OSBP2: variants seen among roughly 807,000 people sequenced by gnomAD.
The protein encoded by OSBP2 is oxysterol binding protein 2, also known as oxysterol-binding protein 2.
In OSBP2, 66 loss-of-function variants were observed where a neutral mutation model predicts 96.0. That is an observed-to-expected ratio of 0.69 (90% CI 0.56 to 0.84). OSBP2 has a LOEUF of 0.84. OSBP2 is among the 40% of genes least tolerant of loss of function. OSBP2 has a pLI of 0.00. For missense variants in OSBP2, 1,038 were observed against 1,222.7 expected (o/e 0.85, Z 2.25); for synonymous variants, 525 against 520.9 (o/e 1.01, Z -0.11).
At chr22:30,841,646 C>T (rs1485242061) in intron 2 of OSBP2, among the ~76,000 whole-genome samples, 1 of 152,122 alleles carries the variant, frequency 6.6e-6, no homozygotes, top group Non-Finnish European at 1.5e-5. Context: ...TTATATTGTA[C>T]TCTAGTAAGT....
chr22:30,876,288 C>T (rs2039576639), intron 3 of OSBP2, among the ~76,000 whole-genome samples: 1 of 152,224 alleles, frequency 6.6e-6, no homozygotes, highest in African/African-American at 2.4e-5. Flanking sequence ...CTCTGTTATT[C>T]CCACCTGCCC....
intron 2 of OSBP2, chr22:30,842,587 A>G (rs1249378530): frequency 6.6e-6 from 1 of 152,626 alleles, no homozygotes; most frequent in Non-Finnish European, 1.5e-5. Context: ...ATCCTCTCAA[A>G]CCCTGCCACT....
At position 30,828,193 on chromosome 22, in the gene OSBP2, A is replaced by G. The variant is rs9619140; in HGVS notation, c.854-42236A>G. On this transcript the variant is annotated intron_variant, in intron 2 of 13. Transcript: ENST00000332585. ...CCAGATGGAGGTCTCGAATCTTTCAATGCTTTTGAGGCAGAGTGAAGAACA... is the reference window on the plus strand; with the variant it reads ...CCAGATGGAGGTCTCGAATCTTTCAGTGCTTTTGAGGCAGAGTGAAGAACA... Among the ~76,000 whole-genome samples the G allele has an allele frequency of 9.7e-3, 1,471 of 152,336 alleles. 19 individuals carry two copies. Among genetic ancestry groups the G allele is most frequent in the African/African-American group, 0.031 (1,270 of 41,580 alleles).
chr22:30,738,593 T>C (rs952715601), intron 1 of OSBP2, among the ~76,000 whole-genome samples: 3 of 151,642 alleles, frequency 2.0e-5, no homozygotes, highest in Non-Finnish European at 4.4e-5. Context: ...GGAGTTTCGC[T>C]CTTGTTGCCC....
At chr22:30,846,814 T>C (rs139724321) in intron 2 of OSBP2, among the ~76,000 whole-genome samples, 2 of 152,344 alleles carry the variant, frequency 1.3e-5, no homozygotes, top group African/African-American at 4.8e-5. Context: ...ATATGTGTTA[T>C]ACTTTTTATG....
intron 2 of OSBP2, chr22:30,773,275 C>G (rs576854630): frequency 1.3e-5 from 2 of 152,320 alleles, no homozygotes; most frequent in Admixed American, 1.3e-4. Flanking sequence ...CTCCTGACCT[C>G]AGGTGATCCG....
At position 30,857,896 on chromosome 22, in the gene OSBP2, C is replaced by T. The variant is rs528499151; in HGVS notation, c.854-12533C>T. Reference sequence around the variant, plus strand: ...CTCAGCAGGCACTGTGGGTCTCTTCCGTGCTCTCTGCAGAACTCGGCCAAC... The same window carrying T: ...CTCAGCAGGCACTGTGGGTCTCTTCTGTGCTCTCTGCAGAACTCGGCCAAC... On this transcript the variant is annotated intron_variant, in intron 2 of 13. Coordinates refer to ENST00000332585, the MANE Select transcript of OSBP2 (RefSeq NM_030758.4). 2.5e-4 allele frequency among the ~76,000 whole-genome samples: 38 copies of T among 152,310 alleles called. No homozygotes were observed. In the South Asian group the frequency reaches 7.0e-3, roughly 28 times the overall value.
At chr22:30,797,759 T>C (rs28861993) in intron 2 of OSBP2, among the ~76,000 whole-genome samples, 17,460 of 151,988 alleles carry the variant, frequency 0.11, 1,118 homozygotes, top group East Asian at 0.2. Context: ...GCCTGGCTAA[T>C]CTTTGTACTT....
Position 30,881,713 on chromosome 22 carries a change from G to A in OSBP2, c.1108-5713G>A, listed in dbSNP as rs78871815. ...TGAGAACAGCAGGGCCACGCCAGGC[G>A]CCTGCCTCTCCCCACAGCACAGCCA... On this transcript the variant is annotated intron_variant, in intron 3 of 13. Transcript: ENST00000332585. This position sits in a 1 kb window ranked among gnomAD's most constrained non-coding sequence, Gnocchi z 4.5. 8.1e-4 allele frequency: 1,050 copies of A among 1,304,024 alleles called. 14 individuals are homozygous for A. In the East Asian group the frequency reaches 0.038, roughly 47 times the overall value. 80.8% of individuals were successfully genotyped at this position (1,304,024 alleles called of 1,614,324 possible). A position where few individuals can be genotyped will look rare whatever the true frequency, so the allele number is the denominator to read the frequency against.
At chr22:30,843,095 T>C (rs978341841) in intron 2 of OSBP2, among the ~76,000 whole-genome samples, 4 of 152,102 alleles carry the variant, frequency 2.6e-5, no homozygotes, top group African/African-American at 9.7e-5. Flanking sequence ...GCAATTCAGT[T>C]ATATCTTGAG....
intron 2 of OSBP2, among the ~76,000 whole-genome samples, chr22:30,794,371 T>G (rs901598993): frequency 3.3e-5 from 5 of 151,930 alleles, no homozygotes; most frequent in Non-Finnish European, 7.4e-5. Flanking sequence ...TTCCAGTGAT[T>G]CTCCTGCCTC....
chr22:30,818,752 G>A (rs1172207615), intron 2 of OSBP2, among the ~76,000 whole-genome samples: 2 of 152,240 alleles, frequency 1.3e-5, no homozygotes, highest in Non-Finnish European at 2.9e-5. Flanking sequence ...GCAAGTGGAA[G>A]TGGGAGCCCA....
intron 2 of OSBP2, among the ~76,000 whole-genome samples, chr22:30,766,896 G>T (rs934694443): frequency 2.6e-5 from 4 of 152,048 alleles, no homozygotes; most frequent in Non-Finnish European, 4.4e-5. Flanking sequence ...GGACAGAGGT[G>T]CATCCTGAGG....
intron 2 of OSBP2, among the ~76,000 whole-genome samples, chr22:30,786,992 G>T (rs913866621): frequency 7.2e-5 from 11 of 151,984 alleles, no homozygotes; most frequent in African/African-American, 2.7e-4. Context: ...TAGAGACACG[G>T]TTTCACTGTG....
intron 2 of OSBP2, among the ~76,000 whole-genome samples, chr22:30,746,827 C>T (rs1483554367): frequency 6.6e-6 from 1 of 152,070 alleles, no homozygotes; most frequent in Non-Finnish European, 1.5e-5. Flanking sequence ...TTTTATGAGG[C>T]CAGCCCTGAT....
At chr22:30,892,635 G>T (rs554697663) in intron 8 of OSBP2, among the ~76,000 whole-genome samples, 1 of 152,124 alleles carries the variant, frequency 6.6e-6, no homozygotes, top group Non-Finnish European at 1.5e-5. Flanking sequence ...GCAGTGCATC[G>T]ATGTGGATGC....
At chr22:30,897,842 T>TG (rs2040099200) in intron 12 of OSBP2, among the ~76,000 whole-genome samples, 1 of 151,358 alleles carries the variant, frequency 6.6e-6, no homozygotes. Flanking sequence ...CCCAGCTACT[T>TG]GGGAGGCTGA....
chr22:30,703,182 T>A (rs562212989), intron 1 of OSBP2, among the ~76,000 whole-genome samples: 11 of 148,454 alleles, frequency 7.4e-5, no homozygotes, highest in South Asian at 2.1e-4. Context: ...TTTTTTTTTT[T>A]AAATTTTTTG....
intron 2 of OSBP2, among the ~76,000 whole-genome samples, chr22:30,838,682 T>A (rs2038684116): frequency 6.6e-6 from 1 of 152,190 alleles, no homozygotes; most frequent in African/African-American, 2.4e-5. Context: ...AAGAGATGTT[T>A]AATTTTGCCC....
Sources: gnomAD v4.1 joint callset for allele counts (sites outside exome capture counted in the v4.1 genomes callset) on GRCh38, gnomAD v4.1.1 for gene constraint, Gnocchi (gnomAD v3.1) non-coding constraint, MANE v1.5 for transcripts, NCBI Gene and HGNC (gene_info 2026-07-23, HGNC 2026-07-21) for gene names.